TMEM132D: variants seen among roughly 807,000 people sequenced by gnomAD.
The protein encoded by TMEM132D is transmembrane protein 132D.
TMEM132D carries 21 observed loss-of-function variants against 62.3 expected under a neutral mutation model. That is an observed-to-expected ratio of 0.34 (90% confidence interval 0.24 to 0.49). The LOEUF is 0.49. Among genes scored for constraint, TMEM132D ranks in the 20% least tolerant of loss-of-function variants. TMEM132D has a pLI of 0.99. For missense variants in TMEM132D, 1,346 were observed against 1,402.8 expected (o/e 0.96, Z 0.65); for synonymous variants, 621 against 575.6 (o/e 1.08, Z -1.13).
intron 1 of TMEM132D, among the ~76,000 whole-genome samples, chr12:129,872,925 C>T (rs1281488688): frequency 6.6e-6 from 1 of 152,120 alleles, no homozygotes; most frequent in Non-Finnish European, 1.5e-5. Flanking sequence ...GAAAGAGAAG[C>T]CTAGGTGCCT....
At chr12:129,452,721 GGA>G (rs55910089) in intron 3 of TMEM132D, among the ~76,000 whole-genome samples, 2 of 151,518 alleles carry the variant, frequency 1.3e-5, no homozygotes, top group Admixed American at 6.6e-5. Context: ...AGAAAGGAGG[GGA>G]GAGAGAGAGA....
chr12:129,287,345 A>G (rs1434676986), intron 4 of TMEM132D, among the ~76,000 whole-genome samples: 1 of 152,182 alleles, frequency 6.6e-6, no homozygotes, highest in Non-Finnish European at 1.5e-5. Flanking sequence ...AATAAACAGG[A>G]AGGGAATGAT....
At chr12:129,112,310 C>G (rs1290526348) in intron 5 of TMEM132D, among the ~76,000 whole-genome samples, 4 of 152,162 alleles carry the variant, frequency 2.6e-5, no homozygotes, top group Non-Finnish European at 5.9e-5. Context: ...AGGGTTTACA[C>G]CCGTGCTGTC....
chr12:129,302,299 G>C (rs4079154), intron 4 of TMEM132D, among the ~76,000 whole-genome samples: 1 of 152,180 alleles, frequency 6.6e-6, no homozygotes. Flanking sequence ...AGTTTTCGTA[G>C]AGATGGGGTT....
chr12:129,735,670 A>G (rs1046941211), intron 1 of TMEM132D, among the ~76,000 whole-genome samples: 2 of 152,196 alleles, frequency 1.3e-5, no homozygotes, highest in African/African-American at 4.8e-5. Context: ...ATAGAAAAAA[A>G]GAGCAAATGC....
intron 1 of TMEM132D, among the ~76,000 whole-genome samples, chr12:129,834,574 A>C (rs1872942491): frequency 6.6e-6 from 1 of 152,146 alleles, no homozygotes; most frequent in Admixed American, 6.5e-5. Flanking sequence ...ACTGGAATAA[A>C]GCCGCTTTCC....
chr12:129,696,561 G>A (rs897704687), intron 2 of TMEM132D, among the ~76,000 whole-genome samples: 1 of 152,140 alleles, frequency 6.6e-6, no homozygotes, highest in African/African-American at 2.4e-5. Flanking sequence ...CCTTCCATTC[G>A]GATCTGAAGA....
chr12:129,900,386 A>G (rs1875312591), intron 1 of TMEM132D, among the ~76,000 whole-genome samples: 1 of 152,208 alleles, frequency 6.6e-6, no homozygotes, highest in Non-Finnish European at 1.5e-5. Flanking sequence ...CGCTCCAAGA[A>G]GCCCACTGCC....
chr12:129,507,078 T>C (rs1165850120), intron 3 of TMEM132D, among the ~76,000 whole-genome samples: 1 of 152,118 alleles, frequency 6.6e-6, no homozygotes, highest in Non-Finnish European at 1.5e-5. Flanking sequence ...AAGGAAGATA[T>C]ATAGATGGCC....
intron 1 of TMEM132D, among the ~76,000 whole-genome samples, chr12:129,866,932 C>T (rs1183311967): frequency 1.3e-5 from 2 of 152,188 alleles, no homozygotes; most frequent in Middle Eastern, 3.4e-3. Flanking sequence ...TGTATATATA[C>T]ATGGAATATT....
chr12:129,620,679 G>A (rs781658112), intron 2 of TMEM132D, among the ~76,000 whole-genome samples: 9 of 152,180 alleles, frequency 5.9e-5, no homozygotes, highest in Non-Finnish European at 1.3e-4. Context: ...CAGGGACATG[G>A]ATGGAGCTGG....
chr12:129,367,202 T>A, intron 3 of TMEM132D, among the ~76,000 whole-genome samples: 1 of 152,254 alleles, frequency 6.6e-6, no homozygotes, highest in East Asian at 1.9e-4. Context: ...TGCTGGTGTA[T>A]AGAATAAAGT....
In TMEM132D at chr12:129,841,933, G is replaced by GTT. The variant is rs68046668; in HGVS notation, c.79+61326_79+61327dup. ...TGCTCTAAGCACTCGTGGTTTTCGT[G>GTT]TTTTTTTTTTTTTTTGAGACGGAGT... On this transcript the variant is annotated intron_variant, in intron 1 of 8. Transcript: ENST00000422113. Among the ~76,000 whole-genome samples the GTT allele has an allele frequency of 1.1e-3, 154 of 137,046 alleles. 3 individuals carry two copies. The highest frequency in any genetic ancestry group is 6.5e-3 in the East Asian group (30 of 4,640). 89.9% of individuals were successfully genotyped at this position (137,046 alleles called of 152,430 possible). A position where few individuals can be genotyped will look rare whatever the true frequency, so the allele number is the denominator to read the frequency against.
Position 129,651,440 on chromosome 12 carries a change from G to A in TMEM132D, c.968+48370C>T, listed in dbSNP as rs117946758. Among the ~76,000 whole-genome samples, 1,171 of 152,132 alleles carry A rather than the reference G, an allele frequency of 7.7e-3. 34 individuals are homozygous for A. In the South Asian group the frequency reaches 0.093, roughly 12 times the overall value. ...TTCATCATTTTGTACTCTCCAATGC[G>A]GGAATGGAGTGCACTGAACTAGTAA... On this transcript the variant is annotated intron_variant, in intron 2 of 8. Coordinates refer to ENST00000422113, the MANE Select transcript of TMEM132D (RefSeq NM_133448.3).
chr12:129,532,698 T>TA (rs1876263500), intron 2 of TMEM132D, among the ~76,000 whole-genome samples: 1 of 152,286 alleles, frequency 6.6e-6, no homozygotes, highest in East Asian at 1.9e-4. Flanking sequence ...TGGTTTATGC[T>TA]GGACACTTTG....
In TMEM132D at chr12:129,620,870, C is replaced by A. The variant is rs147062561; in HGVS notation, c.968+78940G>T. 1.9e-3 allele frequency among the ~76,000 whole-genome samples: 290 copies of A among 152,270 alleles called. 2 individuals are homozygous for A. Among genetic ancestry groups the A allele is most frequent in the African/African-American group, 6.7e-3 (279 of 41,560 alleles). On this transcript the variant is annotated intron_variant, in intron 2 of 8. Transcript: ENST00000422113. ...AGCATTAGAAAAACTAGCTGATGCA[C>A]ACTGGGGTTAATACCTAGGCGATGG...
intron 5 of TMEM132D, among the ~76,000 whole-genome samples, chr12:129,202,650 A>T (rs1160544986): frequency 6.6e-6 from 1 of 152,102 alleles, no homozygotes; most frequent in Non-Finnish European, 1.5e-5. Flanking sequence ...CACGTCCAGA[A>T]TTTGCCATGT....
intron 1 of TMEM132D, among the ~76,000 whole-genome samples, chr12:129,722,742 CT>C (rs67984947): frequency 1.4e-3 from 113 of 81,886 alleles, no homozygotes; most frequent in Non-Finnish European, 1.6e-3. Context: ...TTCTTTTTTT[CT>C]TTTTTTTTTT....
At chr12:129,764,784 AT>A (rs998922193) in intron 1 of TMEM132D, among the ~76,000 whole-genome samples, 1 of 152,056 alleles carries the variant, frequency 6.6e-6, no homozygotes, top group African/African-American at 2.4e-5. Flanking sequence ...CTACAAACAA[AT>A]TAAAAAATTA....
Sources: gnomAD v4.1 joint callset for allele counts (sites outside exome capture counted in the v4.1 genomes callset) on GRCh38, gnomAD v4.1.1 for gene constraint, MANE v1.5 for transcripts, NCBI Gene and HGNC (gene_info 2026-07-23, HGNC 2026-07-21) for gene names.